The following CHRNB3 variants were observed in gnomAD, a reference collection of about 807,000 sequenced individuals.
The protein encoded by CHRNB3 is cholinergic receptor nicotinic beta 3 subunit.
CHRNB3 carries 37 observed loss-of-function variants against 40.6 expected under a neutral mutation model. That is an observed-to-expected ratio of 0.91 (90% CI 0.70 to 1.20). The LOEUF (loss-of-function observed/expected upper bound fraction) is 1.20. Among genes scored for constraint, CHRNB3 ranks in the 50% most tolerant of loss-of-function variants. The probability of loss-of-function intolerance (pLI) is 0.00; values close to 1 mark genes in which losing one functional copy is unlikely to be tolerated. For synonymous variants in CHRNB3, 207 were observed against 207.1 expected (o/e 1.00, Z 0.00); for missense variants, 505 against 551.2 (o/e 0.92, Z 0.84).
chr8:42,708,915 C>T, intron 2 of CHRNB3, 47 bp downstream of exon 2: 1 of 1,553,576 alleles, frequency 6.4e-7, no homozygotes, highest in South Asian at 1.2e-5. Context: ...CATTCCTTAA[C>T]CTGTTTATGA....
Position 42,736,914 on chromosome 8 carries a change from A to G in CHRNB3, c.*296A>G. The G allele has an allele frequency of 3.3e-6, 1 of 303,566 alleles. No homozygotes were observed. The highest frequency in any genetic ancestry group is 6.0e-6 in the Non-Finnish European group (1 of 165,956). 18.8% of individuals were successfully genotyped at this position (303,566 alleles called of 1,614,324 possible). A position where few individuals can be genotyped will look rare whatever the true frequency, so the allele number is the denominator to read the frequency against. ...TCACATGTGGCCAGAGTGCACAAAA[A>G]GCTGTTGCTACTTGGTGGAGGAACA... is the stretch of plus-strand genomic sequence containing the variant. On this transcript the variant is annotated 3_prime_UTR_variant, in exon 6 of 6. Transcript: ENST00000289957.
Position 42,708,680 on chromosome 8 carries a change from TCC to T in CHRNB3, c.53-35_53-34del, listed in dbSNP as rs758699200. On this transcript the variant is annotated intron_variant, in intron 1 of 5. Coordinates refer to ENST00000289957, the MANE Select transcript of CHRNB3 (RefSeq NM_000749.5). ...GACACTCATCCAGGCATCGTGCCCCTCCCATTAACCCAGGTCCACCCATGATT... is the reference window on the plus strand; with the variant it reads ...GACACTCATCCAGGCATCGTGCCCCTCATTAACCCAGGTCCACCCATGATT... The T allele has an allele frequency of 4.4e-6, 7 of 1,607,258 alleles. No individual in the cohort carries two copies. The East Asian group carries it at 1.6e-4, about 36-fold the overall frequency.
At chr8:42,723,556 A>T (rs913755412) in intron 3 of CHRNB3, among the ~76,000 whole-genome samples, 2 of 152,166 alleles carry the variant, frequency 1.3e-5, no homozygotes, top group Non-Finnish European at 2.9e-5. Context: ...ATCTGGCTTC[A>T]GGCAGACCTT....
At chr8:42,726,677 A>T (rs1320279100) in intron 3 of CHRNB3, among the ~76,000 whole-genome samples, 1 of 151,968 alleles carries the variant, frequency 6.6e-6, no homozygotes, top group Non-Finnish European at 1.5e-5. Flanking sequence ...TTTTGTAGAG[A>T]CAGGGTTTCA....
At chr8:42,703,435 A>AAAAT in intron 1 of CHRNB3, among the ~76,000 whole-genome samples, 1 of 47,412 alleles carries the variant, frequency 2.1e-5, no homozygotes, top group Non-Finnish European at 4.6e-5. Context: ...AAAAAAAAAA[A>AAAAT]ATATTTATAT....
chr8:42,710,462 G>A, intron 3 of CHRNB3, 28 bp downstream of exon 3: 1 of 1,568,082 alleles, frequency 6.4e-7, no homozygotes, highest in African/African-American at 1.4e-5. Flanking sequence ...GATTGTGTCT[G>A]CTAACCCAGT....
chr8:42,707,421 CTG>C (rs1815938214), intron 1 of CHRNB3, among the ~76,000 whole-genome samples: 1 of 152,130 alleles, frequency 6.6e-6, no homozygotes, highest in Non-Finnish European at 1.5e-5. Context: ...GAATGAGTTG[CTG>C]TAGGATATTA....
At chr8:42,718,757 A>G (rs1183881241) in intron 3 of CHRNB3, among the ~76,000 whole-genome samples, 1 of 151,636 alleles carries the variant, frequency 6.6e-6, no homozygotes, top group Non-Finnish European at 1.5e-5. Flanking sequence ...ATTTAGGTTT[A>G]AATAAAATTT....
At chr8:42,699,457 C>G (rs1489709973) in intron 1 of CHRNB3, 2 of 152,166 alleles carry the variant, frequency 1.3e-5, no homozygotes, top group African/African-American at 4.8e-5. Flanking sequence ...AAAAACAAAG[C>G]CATTTTCTAA....
Position 42,731,926 on chromosome 8 carries a change from A to G in CHRNB3, c.619A>G (p.Lys207Glu). ...CGGAGAATGGGAAATACTGAACGCA[A>G]AGGGGATGAAGGGGAACAGAAGGGA... The part of the protein sequence containing the change: ...DNGEWEILNA[K>E]GMKGNRRDGV... Residue 207 changes from lysine to glutamate, a missense_variant, in exon 5 of 6, where the codon AAG becomes GAG. By Grantham distance (56) the Lys-to-Glu change is moderately conservative (BLOSUM62 1). Coordinates refer to ENST00000289957, the MANE Select transcript of CHRNB3 (RefSeq NM_000749.5). 6.2e-7 allele frequency: 1 copy of G among 1,614,120 alleles called. No homozygotes were observed. Among genetic ancestry groups the G allele is most frequent in the Non-Finnish European group, 8.5e-7 (1 of 1,180,012 alleles).
intron 3 of CHRNB3, among the ~76,000 whole-genome samples, chr8:42,712,289 AC>A (rs901343212): frequency 5.3e-5 from 8 of 151,976 alleles, no homozygotes; most frequent in Admixed American, 3.3e-4. Context: ...CACCGCACCC[AC>A]CCTAAGTATT....
rs563190655 is a variant in CHRNB3, at chr8:42,736,953, G to T, written c.*335G>T. The T allele has an allele frequency of 3.8e-4, 84 of 221,646 alleles. No individual in the cohort carries two copies. The highest frequency in any genetic ancestry group is 1.5e-3 in the Middle Eastern group (1 of 648). The allele number at this position is 221,646 out of a possible 1,614,324, so 13.7% of individuals were successfully genotyped here. A position where few individuals can be genotyped will look rare whatever the true frequency, so the allele number is the denominator to read the frequency against. The stretch of plus-strand genomic sequence containing the variant: ...GGTGGAGGAACACCTCCTAGAAGCA[G>T]CAGGCCTCGGTGGTGGGGGAGGGGG... On this transcript the variant is annotated 3_prime_UTR_variant, in exon 6 of 6. Transcript: ENST00000289957.
intron 3 of CHRNB3, among the ~76,000 whole-genome samples, chr8:42,718,456 G>A (rs200081613): frequency 2.0e-5 from 3 of 151,494 alleles, no homozygotes; most frequent in South Asian, 2.1e-4. Context: ...GGCAGATCAC[G>A]AGGTCAGGAG....
At position 42,708,655 on chromosome 8, in the gene CHRNB3, G is replaced by T. The variant is rs1461232486; in HGVS notation, c.53-62G>T. On this transcript the variant is annotated intron_variant, in intron 1 of 5. Transcript: ENST00000289957. Reference sequence around the variant, plus strand: ...GAGGCCAAGGCCACAGGAGCCATGGGACACTCATCCAGGCATCGTGCCCCT... The same window carrying T: ...GAGGCCAAGGCCACAGGAGCCATGGTACACTCATCCAGGCATCGTGCCCCT... 2.6e-6 allele frequency: 4 copies of T among 1,565,034 alleles called. No homozygotes were observed. The Admixed American group carries it at 7.1e-5, about 28-fold the overall frequency.
At chr8:42,736,433 A>T (rs1362344495) in intron 5 of CHRNB3, 51 bp from the exon 6 acceptor site, 2 of 1,604,204 alleles carry the variant, frequency 1.2e-6, no homozygotes, top group Non-Finnish European at 1.7e-6. Context: ...AGATGAATAC[A>T]GAACAGTTGC....
rs878915895 is a variant in CHRNB3 at position 42,737,131 on chromosome 8, A to G, written c.*513A>G. On this transcript the variant is annotated 3_prime_UTR_variant, in exon 6 of 6. Coordinates refer to ENST00000289957, the MANE Select transcript of CHRNB3 (RefSeq NM_000749.5). The stretch of plus-strand genomic sequence containing the variant: ...TTAGCAATGGGCCAGGCAAATCTCA[A>G]CAAGGGTTTGGGGATTACACTGGCA... 1 of 156,128 alleles carries G rather than the reference A, an allele frequency of 6.4e-6. No homozygotes were observed. The highest frequency in any genetic ancestry group is 6.3e-5 in the Admixed American group (1 of 15,988). 9.7% of individuals were successfully genotyped at this position (156,128 alleles called of 1,614,324 possible).
In CHRNB3 at chr8:42,731,848, G is replaced by A. The variant is rs1175511001; in HGVS notation, c.541G>A (p.Val181Ile). ...FGSWTYDGTM[V>I]DLILINENVD... ...ATCCTGGACTTATGATGGCACCATG[G>A]TTGACCTCATTTTGATCAATGAAAA... The change falls in exon 5 of 6, where the codon GTT becomes ATT. Residue 181 changes from valine to isoleucine, a missense_variant. Transcript: ENST00000289957. 2 of 1,613,962 alleles carry A rather than the reference G, an allele frequency of 1.2e-6. No homozygotes were observed. Among genetic ancestry groups the A allele is most frequent in the Admixed American group, 1.7e-5 (1 of 59,990 alleles).
In CHRNB3 at chr8:42,723,546, A is replaced by G. The variant is rs1816255808; in HGVS notation, c.250-7048A>G. Among the ~76,000 whole-genome samples, 3 of 152,120 alleles carry G rather than the reference A, an allele frequency of 2.0e-5. No individual in the cohort carries two copies. In the South Asian group the frequency reaches 6.2e-4, roughly 32 times the overall value. On this transcript the variant is annotated intron_variant, in intron 3 of 5. Coordinates refer to ENST00000289957, the MANE Select transcript of CHRNB3 (RefSeq NM_000749.5). ...ATGGGGAGAGGTAAAAGCGTGGAGGATCTGGCTTCAGGCAGACCTTAGCTT... is the reference window on the plus strand; with the variant it reads ...ATGGGGAGAGGTAAAAGCGTGGAGGGTCTGGCTTCAGGCAGACCTTAGCTT...
rs748257512 is a variant in CHRNB3 at position 42,732,168 on chromosome 8, A to C, written c.861A>C (p.Pro287=). Residue 287 remains proline, a synonymous_variant, in exon 5 of 6, where the codon CCA becomes CCC. Coordinates refer to ENST00000289957, the MANE Select transcript of CHRNB3 (RefSeq NM_000749.5). ...TTTTAGTGATTGAAGAAATCATCCCATCGTCTTCCAAAGTCATTCCTCTCA... is the reference window on the plus strand; with the variant it reads ...TTTTAGTGATTGAAGAAATCATCCCCTCGTCTTCCAAAGTCATTCCTCTCA... The part of the protein sequence containing the change: ...VFLLVIEEII[P]SSSKVIPLIG... 4 of 1,610,250 alleles carry C rather than the reference A, an allele frequency of 2.5e-6. No individual in the cohort carries two copies. Among genetic ancestry groups the C allele is most frequent in the Non-Finnish European group, 2.5e-6 (3 of 1,178,730 alleles).
Sources: allele counts gnomAD v4.1 joint callset (sites outside exome capture counted in the v4.1 genomes callset), GRCh38; gene constraint gnomAD v4.1.1; transcripts MANE v1.5; gene names NCBI Gene and HGNC (gene_info 2026-07-23, HGNC 2026-07-21).